Variants in PDCD2L observed in about 807,000 individuals in gnomAD.
The protein encoded by PDCD2L is uS5 assembly chaperone PDCD2L.
In PDCD2L, 44 loss-of-function variants were observed where a neutral mutation model predicts 40.4. That is an observed-to-expected ratio of 1.09 (90% CI 0.86 to 1.40). The LOEUF (loss-of-function observed/expected upper bound fraction) is 1.40, where lower values mean the gene tolerates loss of function less well. PDCD2L is among the 40% of genes most tolerant of loss of function. PDCD2L has a pLI of 0.00. For missense variants in PDCD2L, 470 were observed against 453.7 expected, an observed-to-expected ratio of 1.04 and a Z score of -0.33; for synonymous variants, 194 against 174.6, an observed-to-expected ratio of 1.11 and a Z score of -0.88.
chr19:34,405,071 A>G (rs1157411810), intron 3 of PDCD2L, 81 bp downstream of exon 3: 1 of 1,500,664 alleles, frequency 6.7e-7, no homozygotes, highest in Non-Finnish European at 9.1e-7. Context: ...CAGACTTTAA[A>G]GCCGTGTTCT....
rs763543143 is a variant in PDCD2L at position 34,404,718 on chromosome 19, G to A, written c.178G>A (p.Val60Met). 2.5e-6 allele frequency: 4 copies of A among 1,612,376 alleles called. No individual in the cohort carries two copies. Among genetic ancestry groups the A allele is most frequent in the Non-Finnish European group, 3.4e-6 (4 of 1,179,850 alleles). Reference protein sequence around the residue: ...QRCGQPLALVVQVYCPLEGSP... With the variant: ...QRCGQPLALVMQVYCPLEGSP... ...CTGCGGGCAGCCGCTCGCTCTGGTC[G>A]TGCAGGTGTATTGCCCGCTGGAAGG... is the stretch of plus-strand genomic sequence containing the variant. Residue 60 changes from valine to methionine, a missense_variant, in exon 2 of 7, where the codon GTG (valine) becomes ATG (methionine). Transcript: ENST00000246535.
At position 34,425,981 on chromosome 19, in the gene PDCD2L, A is replaced by G; in HGVS notation, c.947-9A>G. 1.9e-6 allele frequency: 3 copies of G among 1,609,038 alleles called. No individual in the cohort carries two copies. The highest frequency in any genetic ancestry group is 2.5e-6 in the Non-Finnish European group (3 of 1,178,126). On this transcript the variant is annotated splice_polypyrimidine_tract_variant and intron_variant, in intron 6 of 6. Transcript: ENST00000246535. ...TTTGCTGGAAGCCTGAATATGTGGT[A>G]TTTTTCAGGTCTTTCTGTGGAATTT...
intron 4 of PDCD2L, among the ~76,000 whole-genome samples, chr19:34,411,184 G>GTTT (rs2075101313): frequency 8.9e-6 from 1 of 112,230 alleles, no homozygotes; most frequent in African/African-American, 3.5e-5. Context: ...TTTTTTTTTA[G>GTTT]AGATGGGATC....
At chr19:34,406,167 G>C (rs977577190) in intron 3 of PDCD2L, among the ~76,000 whole-genome samples, 1 of 152,106 alleles carries the variant, frequency 6.6e-6, no homozygotes, top group African/African-American at 2.4e-5. Context: ...AAGGGAGATG[G>C]AGACTTCCTC....
At chr19:34,421,700 A>G (rs780273190) in intron 6 of PDCD2L, 33 bp downstream of exon 6, 1 of 1,546,164 alleles carries the variant, frequency 6.5e-7, no homozygotes, top group East Asian at 2.3e-5. Context: ...GAGTTTGTGG[A>G]TTTCTGGCAT....
intron 3 of PDCD2L, among the ~76,000 whole-genome samples, chr19:34,405,628 C>T (rs749875165): frequency 3.3e-5 from 5 of 150,046 alleles, no homozygotes; most frequent in South Asian, 2.1e-4. Context: ...AGGCTGGGCG[C>T]GGTGGCTTAC....
At position 34,406,935 on chromosome 19, in the gene PDCD2L, C is replaced by T. The variant is rs547904325; in HGVS notation, c.336+1945C>T. 2.3e-4 allele frequency among the ~76,000 whole-genome samples: 34 copies of T among 150,060 alleles called. 1 individual carries two copies. The highest frequency in any genetic ancestry group is 7.6e-4 in the African/African-American group (31 of 40,758). ...GCAACCTCCACCTCCCGGATGCAAG[C>T]GCTTATCCTGCCTGCCTCAGCCTCC... On this transcript the variant is annotated intron_variant, in intron 3 of 6. Transcript: ENST00000246535.
At chr19:34,406,865 T>C (rs2075078784) in intron 3 of PDCD2L, among the ~76,000 whole-genome samples, 2 of 139,106 alleles carry the variant, frequency 1.4e-5, no homozygotes, top group African/African-American at 5.5e-5. Context: ...CGAGTTTCGC[T>C]CTTGTTGCCC....
chr19:34,404,593 G>A, intron 1 of PDCD2L, 55 bp downstream of exon 1: 1 of 1,589,832 alleles, frequency 6.3e-7, no homozygotes, highest in South Asian at 1.1e-5. Context: ...GGTGCGGAGG[G>A]AGTGGGCGAG....
At chr19:34,418,392 CT>C (rs538025784) in intron 5 of PDCD2L, among the ~76,000 whole-genome samples, 55 of 147,032 alleles carry the variant, frequency 3.7e-4, no homozygotes, top group Non-Finnish European at 3.2e-4. Context: ...ATGGGATATA[CT>C]TTTTTTTTTT....
intron 4 of PDCD2L, among the ~76,000 whole-genome samples, chr19:34,411,369 A>G (rs982674895): frequency 6.6e-6 from 1 of 150,680 alleles, no homozygotes; most frequent in African/African-American, 2.4e-5. Context: ...CCTCCCGAGT[A>G]GCTGGGACCA....
At chr19:34,409,961 CAATTCTGTAAA>C (rs143084930) in intron 4 of PDCD2L, among the ~76,000 whole-genome samples, 2,225 of 152,224 alleles carry the variant, frequency 0.015, 25 homozygotes, top group South Asian at 0.025. Flanking sequence ...TTCAGATCCT[CAATTCTGTAAA>C]ATGAGAGTGA....
chr19:34,418,176 C>G (rs2075134197), intron 5 of PDCD2L, among the ~76,000 whole-genome samples: 1 of 152,196 alleles, frequency 6.6e-6, no homozygotes, highest in South Asian at 2.1e-4. Context: ...TTACAGTGTG[C>G]ACTTTGATAA....
intron 5 of PDCD2L, among the ~76,000 whole-genome samples, chr19:34,414,971 T>C (rs575578067): frequency 1.3e-5 from 2 of 152,156 alleles, no homozygotes; most frequent in Admixed American, 1.3e-4. Flanking sequence ...TTTTAAAAAA[T>C]GTATTTTGTA....
Position 34,409,444 on chromosome 19 carries a change from C to G in PDCD2L, c.620C>G (p.Ala207Gly). The change falls in exon 4 of 7, where the codon GCC becomes GGC. Residue 207 changes from alanine to glycine, a missense_variant. Coordinates refer to ENST00000246535, the MANE Select transcript of PDCD2L (RefSeq NM_032346.2). Reference sequence around the variant, plus strand: ...AGGGACTTTGTCAACCTGGATCATGCCCACAGCCTTCTGAGGGACTATCAG... The same window carrying G: ...AGGGACTTTGTCAACCTGGATCATGGCCACAGCCTTCTGAGGGACTATCAG... ...DYRDFVNLDH[A>G]HSLLRDYQQR... 1 of 1,614,182 alleles carries G rather than the reference C, an allele frequency of 6.2e-7. No individual in the cohort carries two copies. Among genetic ancestry groups the G allele is most frequent in the Non-Finnish European group, 8.5e-7 (1 of 1,180,040 alleles).
At chr19:34,416,450 G>C (rs752394096) in intron 5 of PDCD2L, among the ~76,000 whole-genome samples, 3 of 152,146 alleles carry the variant, frequency 2.0e-5, no homozygotes, top group Non-Finnish European at 2.9e-5. Flanking sequence ...ATTCGAGTGG[G>C]ATCTTTCTCA....
At chr19:34,423,525 C>T (rs1029321527) in intron 6 of PDCD2L, among the ~76,000 whole-genome samples, 6 of 126,832 alleles carry the variant, frequency 4.7e-5, no homozygotes, top group Non-Finnish European at 9.7e-5. Context: ...GATGGAGCCT[C>T]ACTCTGTCGC....
intron 3 of PDCD2L, 29 bp from the exon 4 acceptor site, chr19:34,409,132 C>T (rs768778821): frequency 2.2e-4 from 350 of 1,590,350 alleles, no homozygotes; most frequent in Non-Finnish European, 2.9e-4. Context: ...CAAATGTGCT[C>T]GGACCTCATT....
intron 4 of PDCD2L, among the ~76,000 whole-genome samples, chr19:34,410,219 C>A (rs1199689661): frequency 6.6e-6 from 1 of 152,132 alleles, no homozygotes; most frequent in Non-Finnish European, 1.5e-5. Context: ...TCTTAGTTTC[C>A]CAAGTAGCTG....
Sources: allele counts gnomAD v4.1 joint callset (sites outside exome capture counted in the v4.1 genomes callset), GRCh38; gene constraint gnomAD v4.1.1; transcripts MANE v1.5; gene names NCBI Gene and HGNC (gene_info 2026-07-23, HGNC 2026-07-21).